The following CPNE8 variants were observed in gnomAD, a reference collection of about 807,000 sequenced individuals.
CPNE8 encodes the protein copine 8.
In CPNE8, 45 loss-of-function variants were observed where a neutral mutation model predicts 81.5. The observed-to-expected ratio is 0.55, with a 90% CI of 0.44 to 0.71. The LOEUF (loss-of-function observed/expected upper bound fraction) is 0.71. Ranked by LOEUF, CPNE8 falls within the 30% of genes least tolerant of loss-of-function variation. CPNE8 has a pLI of 0.00. For synonymous variants in CPNE8, 252 were observed against 226.3 expected (o/e 1.11, Z -1.02); for missense variants, 594 against 672.1 (o/e 0.88, Z 1.28).
chr12:38,752,369 C>G (rs558446818), intron 10 of CPNE8, among the ~76,000 whole-genome samples: 1 of 152,250 alleles, frequency 6.6e-6, no homozygotes, highest in Admixed American at 6.5e-5. Context: ...TCTATCTACC[C>G]TCCCACTGAT....
chr12:38,871,431 C>G (rs1428785962), intron 3 of CPNE8, among the ~76,000 whole-genome samples: 1 of 152,128 alleles, frequency 6.6e-6, no homozygotes, highest in Non-Finnish European at 1.5e-5. Context: ...GTAAGCCGTT[C>G]CACTGTATTG....
intron 9 of CPNE8, 73 bp from the exon 10 acceptor site, chr12:38,760,961 A>C (rs1941560538): frequency 1.7e-6 from 2 of 1,181,608 alleles, no homozygotes; most frequent in Admixed American, 2.6e-5. Context: ...GAATTTAAAA[A>C]TAAGTTGTTT....
intron 6 of CPNE8, among the ~76,000 whole-genome samples, chr12:38,779,315 G>C (rs1294172639): frequency 6.6e-6 from 1 of 152,006 alleles, no homozygotes; most frequent in African/African-American, 2.4e-5. Flanking sequence ...GGTTACTTAG[G>C]GCACAAAAAT....
In CPNE8 at chr12:38,654,871, TAAA is replaced by T. The variant is rs1303094573; in HGVS notation, c.1507-804_1507-802del. Among the ~76,000 whole-genome samples the T allele has an allele frequency of 2.6e-5, 4 of 152,178 alleles. No homozygotes were observed. The East Asian group carries it at 7.7e-4, about 29-fold the overall frequency. ...GGTAAAATATAATAGTGTACATTGTTAAAAAGTCCTAAACACATTAAAGTATTT... is the reference window on the plus strand; with the variant it reads ...GGTAAAATATAATAGTGTACATTGTTAAGTCCTAAACACATTAAAGTATTT... On this transcript the variant is annotated intron_variant, in intron 19 of 19. Coordinates refer to ENST00000331366, the MANE Select transcript of CPNE8 (RefSeq NM_153634.3).
At chr12:38,725,044 C>A in intron 11 of CPNE8, 145 bp from the exon 12 acceptor site, 1 of 731,304 alleles carries the variant, frequency 1.4e-6, no homozygotes, top group Non-Finnish European at 2.3e-6. Context: ...TGACTTTGGA[C>A]AGTCATTCAG....
intron 6 of CPNE8, among the ~76,000 whole-genome samples, chr12:38,791,565 A>T (rs963960337): frequency 6.6e-6 from 1 of 151,686 alleles, no homozygotes; most frequent in Non-Finnish European, 1.5e-5. Context: ...AGAATGTGTA[A>T]AAAACCTAAA....
At chr12:38,746,061 G>T (rs1483026733) in intron 10 of CPNE8, among the ~76,000 whole-genome samples, 1 of 152,058 alleles carries the variant, frequency 6.6e-6, no homozygotes, top group Non-Finnish European at 1.5e-5. Flanking sequence ...GCCGCAATAT[G>T]TATTTCTCGC....
chr12:38,746,865 A>G (rs1285633772), intron 10 of CPNE8, among the ~76,000 whole-genome samples: 2 of 152,210 alleles, frequency 1.3e-5, no homozygotes, highest in African/African-American at 4.8e-5. Flanking sequence ...TTTGCATATG[A>G]CTTAGATGGT....
intron 1 of CPNE8, among the ~76,000 whole-genome samples, chr12:38,900,378 C>T (rs1944443292): frequency 6.6e-6 from 1 of 152,186 alleles, no homozygotes; most frequent in African/African-American, 2.4e-5. Context: ...GGAGAAATCC[C>T]TCTTCCCACA....
intron 7 of CPNE8, among the ~76,000 whole-genome samples, chr12:38,774,731 G>T (rs1941889889): frequency 6.6e-6 from 1 of 152,004 alleles, no homozygotes; most frequent in Non-Finnish European, 1.5e-5. Context: ...GTACAAATTA[G>T]TAGCAAAACC....
At chr12:38,825,641 A>G (rs1378976024) in intron 6 of CPNE8, among the ~76,000 whole-genome samples, 2 of 152,206 alleles carry the variant, frequency 1.3e-5, no homozygotes, top group African/African-American at 2.4e-5. Context: ...CTCTCAAAGT[A>G]CCTGAACTTA....
chr12:38,770,678 A>G (rs775060288), intron 7 of CPNE8, among the ~76,000 whole-genome samples: 1 of 152,090 alleles, frequency 6.6e-6, no homozygotes, highest in Admixed American at 6.6e-5. Context: ...TTTTAGCTCA[A>G]TCAACTCCCA....
At chr12:38,830,546 A>T (rs1000390887) in intron 5 of CPNE8, among the ~76,000 whole-genome samples, 6 of 152,188 alleles carry the variant, frequency 3.9e-5, no homozygotes, top group African/African-American at 1.4e-4. Context: ...CTTAGCCTGT[A>T]TGTGTTCAAA....
At chr12:38,662,530 G>A (rs1347535445) in intron 19 of CPNE8, among the ~76,000 whole-genome samples, 2 of 152,094 alleles carry the variant, frequency 1.3e-5, no homozygotes, top group South Asian at 2.1e-4. Context: ...TTCATGGATT[G>A]GAATAATTAA....
Position 38,775,778 on chromosome 12 carries a change from TAACAAGA to T in CPNE8, c.471+453_471+459del, listed in dbSNP as rs1482275753. 3.9e-5 allele frequency among the ~76,000 whole-genome samples: 6 copies of T among 152,192 alleles called. No homozygotes were observed. In the East Asian group the frequency reaches 7.7e-4, roughly 20 times the overall value. On this transcript the variant is annotated intron_variant, in intron 7 of 19. Coordinates refer to ENST00000331366, the MANE Select transcript of CPNE8 (RefSeq NM_153634.3). ...TTCTTCAAATGTGGACTTCCCAAGC[TAACAAGA>T]GATGGAACCAATATAAATTCTGGAT...
chr12:38,764,190 A>G (rs998231515), intron 8 of CPNE8, among the ~76,000 whole-genome samples: 4 of 152,228 alleles, frequency 2.6e-5, no homozygotes, highest in African/African-American at 9.6e-5. Flanking sequence ...AGAGGGGCAG[A>G]CAGAGAAGAC....
At chr12:38,747,184 C>A (rs1287531896) in intron 10 of CPNE8, among the ~76,000 whole-genome samples, 1 of 152,230 alleles carries the variant, frequency 6.6e-6, no homozygotes. Context: ...AAACTACTAG[C>A]ACCAATATTT....
At chr12:38,662,176 A>T (rs955930336) in intron 19 of CPNE8, among the ~76,000 whole-genome samples, 2 of 152,196 alleles carry the variant, frequency 1.3e-5, no homozygotes, top group African/African-American at 2.4e-5. Context: ...CAACAGAAAG[A>T]AATGAACAGC....
intron 6 of CPNE8, among the ~76,000 whole-genome samples, chr12:38,798,423 C>T (rs372304873): frequency 6.6e-6 from 1 of 152,060 alleles, no homozygotes; most frequent in Non-Finnish European, 1.5e-5. Context: ...GAATTTTCAA[C>T]CCAGAATTTC....
Sources: allele counts gnomAD v4.1 joint callset (sites outside exome capture counted in the v4.1 genomes callset), GRCh38; gene constraint gnomAD v4.1.1; transcripts MANE v1.5; gene names NCBI Gene and HGNC (gene_info 2026-07-23, HGNC 2026-07-21).